Variants in AFAP1 observed in about 807,000 individuals in gnomAD.
AFAP1 encodes actin filament-associated protein 1.
A neutral mutation model predicts 93.9 loss-of-function variants in AFAP1; 75 were observed. That is an observed-to-expected ratio of 0.80 (90% CI 0.66 to 0.97). The LOEUF (loss-of-function observed/expected upper bound fraction) is 0.97. AFAP1 is among the 50% of genes least tolerant of loss of function. The pLI is 0.00. For synonymous variants in AFAP1, 517 were observed against 430.7 expected, an observed-to-expected ratio of 1.20 and a Z score of -2.48; for missense variants, 1,201 against 1,050.8, an observed-to-expected ratio of 1.14 and a Z score of -1.98.
At chr4:7,826,793 G>T (rs1721461956) in intron 6 of AFAP1, among the ~76,000 whole-genome samples, 3 of 152,148 alleles carry the variant, frequency 2.0e-5, no homozygotes, top group Admixed American at 2.0e-4. Flanking sequence ...CCAGTGGGGA[G>T]CAGGGTAGGA....
At chr4:7,870,026 C>T (rs1045492000) in intron 2 of AFAP1, among the ~76,000 whole-genome samples, 5 of 152,180 alleles carry the variant, frequency 3.3e-5, no homozygotes, top group Admixed American at 2.6e-4. Flanking sequence ...AAGTGGTCAT[C>T]AATACCTGAC....
In AFAP1 at chr4:7,793,806, C is replaced by A; in HGVS notation, c.1287G>T (p.Met429Ile). 6.4e-7 allele frequency: 1 copy of A among 1,553,466 alleles called. No individual in the cohort carries two copies. The highest frequency in any genetic ancestry group is 8.8e-7 in the Non-Finnish European group (1 of 1,134,904). ...CGAGTAAAATCCCAATCCACCTGCC[C>A]ATGTCTTCAGAAGAAGATGCCTGTT... ...AVLEASSSED[M>I]GRWIGILLAE... Residue 429 changes from methionine to isoleucine, a missense_variant, in exon 11 of 18, where the codon ATG becomes ATT. Transcript: ENST00000420658.
At chr4:7,823,547 C>T (rs1000108839) in intron 6 of AFAP1, among the ~76,000 whole-genome samples, 1 of 152,172 alleles carries the variant, frequency 6.6e-6, no homozygotes, top group African/African-American at 2.4e-5. Context: ...CTGGCAGACT[C>T]GCCTGGTCCC....
At chr4:7,807,176 C>G (rs1028664548) in intron 9 of AFAP1, among the ~76,000 whole-genome samples, 1 of 152,026 alleles carries the variant, frequency 6.6e-6, no homozygotes, top group Non-Finnish European at 1.5e-5. Flanking sequence ...GGAAGAATTT[C>G]TATTTCCTCC....
chr4:7,774,853 G>A lies in AFAP1; in HGVS notation c.1948C>T (p.Arg650Trp), dbSNP rs201774196. 1.6e-4 allele frequency: 260 copies of A among 1,614,148 alleles called. 1 individual carries two copies. The East Asian group carries it at 4.0e-3, about 25-fold the overall frequency. The stretch of plus-strand genomic sequence containing the variant: ...AGCTCCTCCTCTTTGGTCTGTAGCC[G>A]CTTGGCATCTGCTTCTACCCGGTTC... ...GKNRVEADAKRLQTKEEELLK... is the reference protein window; with the variant it reads ...GKNRVEADAKWLQTKEEELLK... Residue 650 changes from arginine (R) to tryptophan (W), a missense_variant, in exon 15 of 18, where the codon CGG (arginine) becomes TGG (tryptophan). Transcript: ENST00000420658.
At chr4:7,800,763 AT>A in intron 9 of AFAP1, 110 bp from the exon 10 acceptor site, 1 of 1,014,666 alleles carries the variant, frequency 9.9e-7, no homozygotes, top group Admixed American at 2.1e-5. Context: ...GATAAAACAA[AT>A]CCTTCACACG....
intron 1 of AFAP1, among the ~76,000 whole-genome samples, chr4:7,928,854 A>G (rs550976603): frequency 2.6e-5 from 4 of 152,376 alleles, no homozygotes; most frequent in African/African-American, 9.6e-5. Flanking sequence ...TGAGGGGCAC[A>G]GAGAAAGACA....
intron 3 of AFAP1, among the ~76,000 whole-genome samples, chr4:7,864,849 A>C (rs997774376): frequency 6.6e-6 from 1 of 152,218 alleles, no homozygotes; most frequent in African/African-American, 2.4e-5. Context: ...ACAGTGGCTC[A>C]TGCCTGTAAT....
At chr4:7,774,951 G>A (rs1715947826) in intron 14 of AFAP1, 48 bp from the exon 15 acceptor site, 1 of 1,588,576 alleles carries the variant, frequency 6.3e-7, no homozygotes, top group Non-Finnish European at 8.6e-7. Context: ...TTACTAGCCT[G>A]GGAAATATGG....
intron 4 of AFAP1, among the ~76,000 whole-genome samples, chr4:7,847,469 A>G (rs548272089): frequency 6.6e-6 from 1 of 152,248 alleles, no homozygotes; most frequent in African/African-American, 2.4e-5. Flanking sequence ...ACTCTCCGGA[A>G]AGTATGCTTA....
In AFAP1 at chr4:7,772,985, C is replaced by T. The variant is rs1560147958; in HGVS notation, c.2088G>A (p.Glu696=). The T allele has an allele frequency of 7.4e-6, 12 of 1,611,732 alleles. No homozygotes were observed. The highest frequency in any genetic ancestry group is 1.6e-4 in the Middle Eastern group (1 of 6,062). The change falls in exon 16 of 18, where the codon GAG becomes GAA. Residue 696 remains glutamate, a synonymous_variant. Transcript: ENST00000420658. ...NAGRKPQAIL[E]EKLKQLEEEC... ...CCTCCTCCAGCTGCTTCAGCTTCTCCTCCAGGATCGCCTGCGGCTTCCTGC... is the reference window on the plus strand; with the variant it reads ...CCTCCTCCAGCTGCTTCAGCTTCTCTTCCAGGATCGCCTGCGGCTTCCTGC...
intron 1 of AFAP1, among the ~76,000 whole-genome samples, chr4:7,890,075 C>T (rs1235315060): frequency 6.9e-6 from 1 of 145,094 alleles, no homozygotes; most frequent in Non-Finnish European, 1.5e-5. Context: ...AACTAGAACA[C>T]AAATTGGCCA....
intron 9 of AFAP1, among the ~76,000 whole-genome samples, chr4:7,809,045 A>T (rs1446722138): frequency 7.3e-6 from 1 of 136,504 alleles, no homozygotes; most frequent in African/African-American, 2.9e-5. Context: ...CGTGATAAGG[A>T]AGCTTAGTTT....
chr4:7,765,939 G>A (rs765744134), intron 17 of AFAP1, among the ~76,000 whole-genome samples: 40 of 152,188 alleles, frequency 2.6e-4, no homozygotes, highest in Admixed American at 1.6e-3. Context: ...CTCTGCGCCC[G>A]CCCAGTGACC....
chr4:7,887,952 A>T lies in AFAP1; in HGVS notation c.-2-15872T>A, dbSNP rs79800816. The stretch of plus-strand genomic sequence containing the variant: ...AGCGATACTCCTGCCTCAGCCTCCC[A>T]AGTAGCTGGGATTACAGGCACGCGC... On this transcript the variant is annotated intron_variant, in intron 1 of 17. Transcript: ENST00000420658. Among the ~76,000 whole-genome samples the T allele has an allele frequency of 2.0e-5, 3 of 152,080 alleles. No homozygotes were observed. In the South Asian group the frequency reaches 6.2e-4, roughly 32 times the overall value.
chr4:7,854,996 C>G (rs1320665546), intron 4 of AFAP1, among the ~76,000 whole-genome samples: 1 of 152,084 alleles, frequency 6.6e-6, no homozygotes, highest in Non-Finnish European at 1.5e-5. Flanking sequence ...GAACCTGTAC[C>G]CCCAAAAAAG....
intron 7 of AFAP1, among the ~76,000 whole-genome samples, chr4:7,818,317 G>A (rs528076594): frequency 3.1e-4 from 47 of 152,274 alleles, no homozygotes; most frequent in African/African-American, 1.1e-3. Flanking sequence ...GTGAACCAAT[G>A]CCTTCTAAGA....
intron 5 of AFAP1, among the ~76,000 whole-genome samples, chr4:7,842,204 A>T (rs1247629863): frequency 1.3e-5 from 2 of 151,542 alleles, no homozygotes; most frequent in African/African-American, 4.8e-5. Flanking sequence ...ACTCTGTTTT[A>T]AAAAACTGAA....
chr4:7,895,606 G>A (rs1253364460), intron 1 of AFAP1, among the ~76,000 whole-genome samples: 3 of 149,218 alleles, frequency 2.0e-5, no homozygotes, highest in Admixed American at 6.6e-5. Context: ...CAAGTCACTC[G>A]AGTTTTTTAA....
Sources: allele counts gnomAD v4.1 joint callset (sites outside exome capture counted in the v4.1 genomes callset), GRCh38; gene constraint gnomAD v4.1.1; transcripts MANE v1.5; gene names NCBI Gene and HGNC (gene_info 2026-07-23, HGNC 2026-07-21).